Variants in HPSE2 observed in about 807,000 individuals in gnomAD.
HPSE2 encodes inactive heparanase-2.
In HPSE2, 38 loss-of-function variants were observed where a neutral mutation model predicts 60.5. That is an observed-to-expected ratio of 0.63 (90% CI 0.48 to 0.82). The LOEUF (loss-of-function observed/expected upper bound fraction) is 0.82, where lower values mean the gene tolerates loss of function less well. Among genes scored for constraint, HPSE2 ranks in the 40% least tolerant of loss-of-function variants. The pLI, the probability that HPSE2 is intolerant of heterozygous loss-of-function variation, is 0.00. For missense variants in HPSE2, 713 were observed against 740.4 expected, an observed-to-expected ratio of 0.96 and a Z score of 0.43; for synonymous variants, 295 against 293.2, an observed-to-expected ratio of 1.01 and a Z score of -0.06.
At chr10:98,745,002 A>G (rs1330701940) in intron 3 of HPSE2, among the ~76,000 whole-genome samples, 1 of 151,862 alleles carries the variant, frequency 6.6e-6, no homozygotes, top group Non-Finnish European at 1.5e-5. Flanking sequence ...GGAGATGGAG[A>G]CCATCCTGGC....
chr10:99,075,096 T>C (rs1842914840), intron 3 of HPSE2, among the ~76,000 whole-genome samples: 1 of 152,144 alleles, frequency 6.6e-6, no homozygotes, highest in South Asian at 2.1e-4. Context: ...AGTTTGTTCT[T>C]TTTCTAATTC....
At chr10:98,620,545 A>G (rs1170821183) in intron 8 of HPSE2, 57 bp downstream of exon 8, 1 of 1,257,184 alleles carries the variant, frequency 8.0e-7, no homozygotes, top group African/African-American at 1.5e-5. Context: ...AACACCAGAG[A>G]TTCACTGTCC....
chr10:99,144,378 G>C lies in HPSE2; in HGVS notation c.470C>G (p.Ala157Gly). The change falls in exon 3 of 12, where the codon GCC becomes GGC. Residue 157 changes from alanine (A) to glycine (G), a missense_variant. Physicochemically the swap from Ala to Gly is moderately conservative, Grantham distance 60. Coordinates refer to ENST00000370552, the MANE Select transcript of HPSE2 (RefSeq NM_021828.5). ...YEDDIVRSDV[A>G]LDKQKGCKIA... ...CTTGCAGCCTTTCTGTTTATCTAAG[G>C]CAACATCACTTCGAACAATGTCTAC... The C allele has an allele frequency of 6.2e-7, 1 of 1,613,776 alleles. No individual in the cohort carries two copies. The highest frequency in any genetic ancestry group is 8.5e-7 in the Non-Finnish European group (1 of 1,179,986).
rs762225802 is a variant in HPSE2, at chr10:98,458,640, A to G, written c.*934T>C. 3 of 152,200 alleles carry G rather than the reference A, an allele frequency of 2.0e-5. No homozygotes were observed. The highest frequency in any genetic ancestry group is 6.5e-5 in the Admixed American group (1 of 15,274). The allele number at this position is 152,200 out of a possible 1,614,324, so 9.4% of individuals were successfully genotyped here. A position where few individuals can be genotyped will look rare whatever the true frequency, so the allele number is the denominator to read the frequency against. On this transcript the variant is annotated 3_prime_UTR_variant, in exon 12 of 12. Coordinates refer to ENST00000370552, the MANE Select transcript of HPSE2 (RefSeq NM_021828.5). ...AAACAATTAAGGGCTTACCCTATAGAGCCCCTAATATTCTCTTAATTTTGG... is the reference window on the plus strand; with the variant it reads ...AAACAATTAAGGGCTTACCCTATAGGGCCCCTAATATTCTCTTAATTTTGG...
the HPSE2 span, among the ~76,000 whole-genome samples, chr10:99,257,666 C>T: frequency 5.3e-5 from 8 of 152,128 alleles, no homozygotes; most frequent in Non-Finnish European, 1.0e-4. Context: ...GTCCTGTGGT[C>T]CTGTGATCTT....
Position 98,490,168 on chromosome 10 carries a change from C to T in HPSE2, c.1349G>A (p.Arg450His), listed in dbSNP as rs778752620. ...PDYWLSLLYKRLIGPKVLAVH... is the reference protein window; with the variant it reads ...PDYWLSLLYKHLIGPKVLAVH... ...AGCCAAGACTTTGGGGCCGATCAGGCGCTTGTAGAGGAGAGAGAGCCAGTA... is the reference window on the plus strand; with the variant it reads ...AGCCAAGACTTTGGGGCCGATCAGGTGCTTGTAGAGGAGAGAGAGCCAGTA... The change falls in exon 10 of 12, where the codon CGC becomes CAC. Residue 450 changes from arginine (R) to histidine (H), a missense_variant. Coordinates refer to ENST00000370552, the MANE Select transcript of HPSE2 (RefSeq NM_021828.5). 1.9e-5 allele frequency: 30 copies of T among 1,614,112 alleles called. No individual in the cohort carries two copies. Among genetic ancestry groups the T allele is most frequent in the African/African-American group, 6.7e-5 (5 of 75,024 alleles).
rs372888605 is a variant in HPSE2, at chr10:98,931,085, G to C, written c.611-187029C>G. Among the ~76,000 whole-genome samples the C allele has an allele frequency of 1.3e-4, 18 of 143,652 alleles. 1 individual carries two copies. Among genetic ancestry groups the C allele is most frequent in the East Asian group, 9.8e-4 (5 of 5,078 alleles). The allele number at this position is 143,652 out of a possible 152,430, so 94.2% of individuals were successfully genotyped here. A position where few individuals can be genotyped will look rare whatever the true frequency, so the allele number is the denominator to read the frequency against. On this transcript the variant is annotated intron_variant, in intron 3 of 11. Coordinates refer to ENST00000370552, the MANE Select transcript of HPSE2 (RefSeq NM_021828.5). Reference sequence around the variant, plus strand: ...TGGTATTGCCTAGATTTTCTTCTAGGGTTTTTATGGTTTTCGGTTTTACAT... The same window carrying C: ...TGGTATTGCCTAGATTTTCTTCTAGCGTTTTTATGGTTTTCGGTTTTACAT...
chr10:98,653,836 A>G lies in HPSE2; in HGVS notation c.1005-11896T>C, dbSNP rs535072022. On this transcript the variant is annotated intron_variant, in intron 6 of 11. Transcript: ENST00000370552. ...TTTTGTAGACTTGCATTTCTGATCTATATCACATTCTTTCTACCTGAAAAG... is the reference window on the plus strand; with the variant it reads ...TTTTGTAGACTTGCATTTCTGATCTGTATCACATTCTTTCTACCTGAAAAG... Among the ~76,000 whole-genome samples the G allele has an allele frequency of 6.6e-5, 10 of 152,120 alleles. No homozygotes were observed. The East Asian group carries it at 1.7e-3, about 26-fold the overall frequency.
chr10:99,095,052 G>C (rs1045919826), intron 3 of HPSE2, among the ~76,000 whole-genome samples: 1 of 151,988 alleles, frequency 6.6e-6, no homozygotes. Context: ...GCTGAGTGTG[G>C]TGGTGTGTGC....
At chr10:98,693,817 CA>C in intron 6 of HPSE2, 82 bp downstream of exon 6, 2 of 1,104,930 alleles carry the variant, frequency 1.8e-6, no homozygotes, top group Non-Finnish European at 2.8e-6. Flanking sequence ...TATTAAATGT[CA>C]GTTATGAACT....
intron 3 of HPSE2, among the ~76,000 whole-genome samples, chr10:99,049,139 C>T (rs913718555): frequency 9.9e-5 from 15 of 152,158 alleles, no homozygotes; most frequent in African/African-American, 3.6e-4. Flanking sequence ...ACTATGTGTA[C>T]TACCTGGATG....
chr10:99,281,144 GTTATTTA>G, the HPSE2 span, among the ~76,000 whole-genome samples: 6 of 149,744 alleles, frequency 4.0e-5, no homozygotes, highest in Admixed American at 1.3e-4. Context: ...CATTGTGTAT[GTTATTTA>G]TTATTGTTAA....
At chr10:98,734,705 T>C (rs1169832300) in intron 4 of HPSE2, among the ~76,000 whole-genome samples, 2 of 152,220 alleles carry the variant, frequency 1.3e-5, no homozygotes, top group Admixed American at 1.3e-4. Flanking sequence ...AACTGCTTCT[T>C]GTGTTGTCCT....
intron 9 of HPSE2, among the ~76,000 whole-genome samples, chr10:98,499,664 T>C (rs1941965464): frequency 6.6e-6 from 1 of 152,090 alleles, no homozygotes; most frequent in African/African-American, 2.4e-5. Context: ...AATGCAAAGG[T>C]ACCTCACATC....
At chr10:98,696,430 C>T (rs1469565910) in intron 5 of HPSE2, among the ~76,000 whole-genome samples, 1 of 151,290 alleles carries the variant, frequency 6.6e-6, no homozygotes, top group Non-Finnish European at 1.5e-5. Context: ...CAGTGTGGTG[C>T]TGCAGCCCAC....
chr10:98,979,431 CA>C (rs759582729), intron 3 of HPSE2, among the ~76,000 whole-genome samples: 1 of 152,076 alleles, frequency 6.6e-6, no homozygotes, highest in African/African-American at 2.4e-5. Flanking sequence ...GCATAGTGCA[CA>C]GCATTGTTGT....
intron 5 of HPSE2, among the ~76,000 whole-genome samples, chr10:98,710,231 C>G (rs189929183): frequency 8.1e-4 from 123 of 152,252 alleles, no homozygotes; most frequent in Non-Finnish European, 1.0e-3. Context: ...ATTGACCTCT[C>G]TCTCTCTTTC....
intron 9 of HPSE2, among the ~76,000 whole-genome samples, chr10:98,560,503 T>C (rs1944141315): frequency 6.6e-6 from 1 of 152,264 alleles, no homozygotes; most frequent in Non-Finnish European, 1.5e-5. Context: ...CTAAGCAGCC[T>C]GAGACCAAAG....
chr10:98,689,591 A>C (rs955196425), intron 6 of HPSE2, among the ~76,000 whole-genome samples: 1 of 152,114 alleles, frequency 6.6e-6, no homozygotes, highest in Non-Finnish European at 1.5e-5. Context: ...GGGTCATCTC[A>C]AGGTTTCTAT....
Sources: gnomAD v4.1 joint callset for allele counts (sites outside exome capture counted in the v4.1 genomes callset) on GRCh38, gnomAD v4.1.1 for gene constraint, MANE v1.5 for transcripts, NCBI Gene and HGNC (gene_info 2026-07-23, HGNC 2026-07-21) for gene names.